Variants in GPCPD1 observed in about 807,000 individuals in gnomAD.
The protein encoded by GPCPD1 is glycerophosphocholine phosphodiesterase GPCPD1.
In GPCPD1, 29 loss-of-function variants were observed where a neutral mutation model predicts 89.2. The observed-to-expected ratio is 0.33, with a 90% CI of 0.24 to 0.44. The LOEUF (loss-of-function observed/expected upper bound fraction) is 0.44, where lower values mean the gene tolerates loss of function less well. GPCPD1 is among the 20% of genes least tolerant of loss of function. GPCPD1 has a pLI of 1.00. For missense variants in GPCPD1, 594 were observed against 808.9 expected, an observed-to-expected ratio of 0.73 and a Z score of 3.22; for synonymous variants, 258 against 266.3, an observed-to-expected ratio of 0.97 and a Z score of 0.30.
rs1259554338 is a variant in GPCPD1, at chr20:5,549,152, CAG to C, written c.1830-1304_1830-1303del. 4 of 652,290 alleles carry C rather than the reference CAG, an allele frequency of 6.1e-6. No individual in the cohort carries two copies. In the Admixed American group the frequency reaches 7.6e-5, roughly 12 times the overall value. 40.4% of individuals were successfully genotyped at this position (652,290 alleles called of 1,614,324 possible). A position where few individuals can be genotyped will look rare whatever the true frequency, so the allele number is the denominator to read the frequency against. On this transcript the variant is annotated intron_variant, in intron 19 of 19. Transcript: ENST00000379019. Reference sequence around the variant, plus strand: ...CATGTGGGAAGATGAGAAAAACAAACAGGGAGGATGATGGCTAATTTACATTG... The same window carrying C: ...CATGTGGGAAGATGAGAAAAACAAACGGAGGATGATGGCTAATTTACATTG...
chr20:5,585,590 ATG>A (rs1452453682), intron 5 of GPCPD1: 1 of 150,052 alleles, frequency 6.7e-6, no homozygotes, highest in Non-Finnish European at 1.5e-5. Context: ...AGAAAAGTTA[ATG>A]TGTTTAAAAG....
intron 3 of GPCPD1, among the ~76,000 whole-genome samples, chr20:5,598,076 C>T (rs948440123): frequency 1.3e-5 from 2 of 151,680 alleles, no homozygotes; most frequent in African/African-American, 4.8e-5. Flanking sequence ...ATGTTAATGC[C>T]TTAAAATGTT....
intron 12 of GPCPD1, among the ~76,000 whole-genome samples, chr20:5,568,627 G>C (rs550559874): frequency 6.6e-6 from 1 of 152,066 alleles, no homozygotes; most frequent in African/African-American, 2.4e-5. Flanking sequence ...TAGCTTGGCC[G>C]GGTGCAGTGG....
At chr20:5,588,038 G>A (rs907878018) in intron 4 of GPCPD1, among the ~76,000 whole-genome samples, 3 of 152,064 alleles carry the variant, frequency 2.0e-5, no homozygotes, top group Admixed American at 2.0e-4. Flanking sequence ...GGTAGACTGG[G>A]TAGATTTTTT....
rs1978286985 is a variant in GPCPD1 at position 5,575,621 on chromosome 20, A to G, written c.869-76T>C. Reference sequence around the variant, plus strand: ...CCATTATGAGCTACATTATATTTAAATACCACTCAAGTCAGCTTTATCAGT... The same window carrying G: ...CCATTATGAGCTACATTATATTTAAGTACCACTCAAGTCAGCTTTATCAGT... On this transcript the variant is annotated intron_variant, in intron 9 of 19. Transcript: ENST00000379019. 1.7e-5 allele frequency: 17 copies of G among 1,020,674 alleles called. No individual in the cohort carries two copies. The East Asian group carries it at 3.4e-4, about 21-fold the overall frequency. The allele number at this position is 1,020,674 out of a possible 1,614,324, so 63.2% of individuals were successfully genotyped here. A position where few individuals can be genotyped will look rare whatever the true frequency, so the allele number is the denominator to read the frequency against.
Position 5,575,994 on chromosome 20 carries a change from T to C in GPCPD1, c.706-16A>G. On this transcript the variant is annotated splice_polypyrimidine_tract_variant and intron_variant, in intron 8 of 19. Transcript: ENST00000379019. ...TGAGATCTTCCTGAAAAAATGAGATTTAAAATAATCTTAATTTTTAAACTT... is the reference window on the plus strand; with the variant it reads ...TGAGATCTTCCTGAAAAAATGAGATCTAAAATAATCTTAATTTTTAAACTT... 2.6e-6 allele frequency: 4 copies of C among 1,512,484 alleles called. No homozygotes were observed. Among genetic ancestry groups the C allele is most frequent in the Non-Finnish European group, 3.6e-6 (4 of 1,096,974 alleles). 93.7% of individuals were successfully genotyped at this position (1,512,484 alleles called of 1,614,324 possible).
intron 1 of GPCPD1, among the ~76,000 whole-genome samples, chr20:5,609,101 C>T (rs1213357317): frequency 6.6e-6 from 1 of 152,168 alleles, no homozygotes; most frequent in Non-Finnish European, 1.5e-5. Context: ...CACTTTAGAG[C>T]TAAATTGAAG....
intron 1 of GPCPD1, among the ~76,000 whole-genome samples, chr20:5,610,260 A>G (rs73075625): frequency 6.6e-6 from 1 of 152,306 alleles, no homozygotes; most frequent in Non-Finnish European, 1.5e-5. Flanking sequence ...AAAAAATTGT[A>G]TCGAGGGCAC....
intron 13 of GPCPD1, 86 bp downstream of exon 13, chr20:5,567,397 T>C (rs1986446533): frequency 7.1e-7 from 1 of 1,414,910 alleles, no homozygotes; most frequent in Non-Finnish European, 9.4e-7. Context: ...GTCATCCCCA[T>C]GTGCAAAGAG....
intron 8 of GPCPD1, among the ~76,000 whole-genome samples, chr20:5,577,066 T>C (rs374610485): frequency 7.3e-3 from 307 of 42,106 alleles, no homozygotes; most frequent in African/African-American, 0.044. Flanking sequence ...TTTTTTTTTG[T>C]TTTTTTTTTT....
At chr20:5,584,363 G>T in intron 5 of GPCPD1, 41 bp from the exon 6 acceptor site, 2 of 825,474 alleles carry the variant, frequency 2.4e-6, no homozygotes, top group South Asian at 1.4e-5. Context: ...TAAAACTCTT[G>T]ATGCATACCC....
chr20:5,547,837 TC>T lies in GPCPD1; in HGVS notation c.1842del (p.Trp614Ter). Reference sequence around the variant, plus strand: ...TGGAATATATTTGGTTGTTCAGGCATCCAATCATATATCCTATGATGAAACA... The same window carrying T: ...TGGAATATATTTGGTTGTTCAGGCATCAATCATATATCCTATGATGAAACA... Reference protein sequence around the residue: ...NGLIYDRIYDWMPEQPNIFQV... With the variant: ...NGLIYDRIYDXMPEQPNIFQV... On this transcript the variant is annotated frameshift_variant, in exon 20 of 20. Coordinates refer to ENST00000379019, the MANE Select transcript of GPCPD1 (RefSeq NM_019593.5). LOFTEE classifies it high-confidence loss of function. The T allele has an allele frequency of 1.9e-6, 3 of 1,588,848 alleles. No homozygotes were observed. The highest frequency in any genetic ancestry group is 2.6e-6 in the Non-Finnish European group (3 of 1,159,110).
In GPCPD1 at chr20:5,545,968, A is replaced by G. The variant is rs1051634940; in HGVS notation, c.*1693T>C. ...CAAAGGAGCAGGACTAGAAACAAAC[A>G]TATATGGCTAATCGAGTTACTATAA... On this transcript the variant is annotated 3_prime_UTR_variant, in exon 20 of 20. Transcript: ENST00000379019. The G allele has an allele frequency of 2.6e-5, 4 of 152,258 alleles. No individual in the cohort carries two copies. Among genetic ancestry groups the G allele is most frequent in the African/African-American group, 9.6e-5 (4 of 41,456 alleles). The allele number at this position is 152,258 out of a possible 1,614,324, so 9.4% of individuals were successfully genotyped here.
rs181447511 is a variant in GPCPD1, at chr20:5,577,700, A to C, written c.705+680T>G. ...CCCTACCCTCCAAGATTTAAACTCT[A>C]ATCTAGTATAAATGGGTGTGGAGGT... On this transcript the variant is annotated intron_variant, in intron 8 of 19. Transcript: ENST00000379019. Among the ~76,000 whole-genome samples the C allele has an allele frequency of 2.0e-5, 3 of 152,030 alleles. No homozygotes were observed. In the East Asian group the frequency reaches 5.8e-4, roughly 29 times the overall value.
At chr20:5,597,297 A>G (rs1166898377) in intron 3 of GPCPD1, among the ~76,000 whole-genome samples, 1 of 151,880 alleles carries the variant, frequency 6.6e-6, no homozygotes, top group East Asian at 1.9e-4. Context: ...TTCCTTTGTT[A>G]TTTTCCGTTG....
intron 4 of GPCPD1, among the ~76,000 whole-genome samples, chr20:5,587,475 C>T (rs1033266738): frequency 2.0e-5 from 3 of 151,976 alleles, no homozygotes; most frequent in African/African-American, 7.3e-5. Context: ...TCAAGTGATT[C>T]CCCTGCCTCG....
intron 12 of GPCPD1, among the ~76,000 whole-genome samples, chr20:5,568,617 T>C (rs1326335509): frequency 6.6e-6 from 1 of 152,128 alleles, no homozygotes. Context: ...AAGTAAACTG[T>C]AGCTTGGCCG....
chr20:5,590,398 C>G (rs1979239659), intron 4 of GPCPD1, among the ~76,000 whole-genome samples: 1 of 151,688 alleles, frequency 6.6e-6, no homozygotes. Flanking sequence ...TAAAAATTAG[C>G]CAGGCATAGT....
chr20:5,559,307 G>T (rs1309009543), intron 17 of GPCPD1, among the ~76,000 whole-genome samples: 1 of 152,214 alleles, frequency 6.6e-6, no homozygotes, highest in Non-Finnish European at 1.5e-5. Context: ...TTCAGGCCAG[G>T]TACAGTGCAG....
Sources: allele counts gnomAD v4.1 joint callset (sites outside exome capture counted in the v4.1 genomes callset), GRCh38; gene constraint gnomAD v4.1.1; transcripts MANE v1.5; gene names NCBI Gene and HGNC (gene_info 2026-07-23, HGNC 2026-07-21).